C1orf185: variants seen among roughly 807,000 people sequenced by gnomAD.
C1orf185 encodes uncharacterized protein C1orf185.
C1orf185 carries 13 observed loss-of-function variants against 16.1 expected under a neutral mutation model. That is an observed-to-expected ratio of 0.81 (90% CI 0.53 to 1.28). The LOEUF is 1.28. Ranked by LOEUF, C1orf185 falls within the 50% of genes most tolerant of loss-of-function variation. The pLI, the probability that C1orf185 is intolerant of heterozygous loss-of-function variation, is 0.00. For synonymous variants in C1orf185, 80 were observed against 76.9 expected (o/e 1.04, Z -0.21); for missense variants, 220 against 225.2 (o/e 0.98, Z 0.15).
At chr1:51,121,905 C>T (rs1346838610) in intron 3 of C1orf185, among the ~76,000 whole-genome samples, 1 of 152,272 alleles carries the variant, frequency 6.6e-6, no homozygotes, top group African/African-American at 2.4e-5. Flanking sequence ...ACACCTCCAA[C>T]TCCCACCCTC....
At chr1:51,140,954 T>C (rs573933951) in intron 3 of C1orf185, among the ~76,000 whole-genome samples, 1 of 152,302 alleles carries the variant, frequency 6.6e-6, no homozygotes, top group East Asian at 1.9e-4. Context: ...CTTTGTTGTT[T>C]TCTATTTTAT....
At chr1:51,108,389 A>G (rs142848311) in intron 1 of C1orf185, among the ~76,000 whole-genome samples, 2 of 152,268 alleles carry the variant, frequency 1.3e-5, no homozygotes, top group East Asian at 3.9e-4. Context: ...AACCAGGGTT[A>G]TTGGGCTATC....
At chr1:51,131,369 T>C (rs1309571694) in intron 3 of C1orf185, among the ~76,000 whole-genome samples, 1 of 152,250 alleles carries the variant, frequency 6.6e-6, no homozygotes, top group African/African-American at 2.4e-5. Flanking sequence ...TGGCAGTTCC[T>C]CTTCCTCCTC....
chr1:51,110,843 C>G (rs1329290037), intron 1 of C1orf185, among the ~76,000 whole-genome samples: 2 of 151,960 alleles, frequency 1.3e-5, no homozygotes, highest in Non-Finnish European at 2.9e-5. Flanking sequence ...GTGGTGTGCA[C>G]CTGTAGTCCC....
chr1:51,117,654 T>C (rs1646167508), intron 2 of C1orf185, among the ~76,000 whole-genome samples: 1 of 152,204 alleles, frequency 6.6e-6, no homozygotes, highest in Admixed American at 6.5e-5. Flanking sequence ...GTAATACACA[T>C]GTAAGTTTCC....
intron 4 of C1orf185, among the ~76,000 whole-genome samples, chr1:51,146,603 G>T (rs1646402648): frequency 6.6e-6 from 1 of 151,950 alleles, no homozygotes; most frequent in African/African-American, 2.4e-5. Context: ...TATTTTAATG[G>T]CAAATGTGCA....
At chr1:51,127,885 G>GTTTTTTTTTTTTTTTTTTTTTTT (rs769457494) in intron 3 of C1orf185, among the ~76,000 whole-genome samples, 1 of 115,304 alleles carries the variant, frequency 8.7e-6, no homozygotes, top group Non-Finnish European at 1.8e-5. Flanking sequence ...TCTTTTCTTT[G>GTTTTTTTTTTTTTTTTTTTTTTT]TTTTTTTTTT....
In C1orf185 at chr1:51,127,974, A is replaced by G. The variant is rs147874029; in HGVS notation, c.258+9173A>G. On this transcript the variant is annotated intron_variant, in intron 3 of 4. Transcript: ENST00000371759. ...GTGATCTCAGCTCACTGCAACCTGCACCTCCTGGGTTCAAGCGATTCTCCT... is the reference window on the plus strand; with the variant it reads ...GTGATCTCAGCTCACTGCAACCTGCGCCTCCTGGGTTCAAGCGATTCTCCT... Among the ~76,000 whole-genome samples, 537 of 142,216 alleles carry G rather than the reference A, an allele frequency of 3.8e-3. 1 individual carries two copies. The highest frequency in any genetic ancestry group is 4.5e-3 in the Non-Finnish European group (300 of 66,400). The allele number at this position is 142,216 out of a possible 152,430, so 93.3% of individuals were successfully genotyped here. A position where few individuals can be genotyped will look rare whatever the true frequency, so the allele number is the denominator to read the frequency against.
intron 1 of C1orf185, 156 bp downstream of exon 1, chr1:51,102,405 T>C (rs1646038360): frequency 2.0e-5 from 9 of 442,570 alleles, no homozygotes; most frequent in Non-Finnish European, 3.3e-5. Flanking sequence ...AATTGTAAAG[T>C]TATTGGGGCT....
At chr1:51,125,836 C>A in intron 3 of C1orf185, among the ~76,000 whole-genome samples, 1 of 151,934 alleles carries the variant, frequency 6.6e-6, no homozygotes, top group East Asian at 1.9e-4. Context: ...GAGGAGGTGC[C>A]AGGTCATTGG....
At chr1:51,111,718 C>G (rs1364236868) in intron 1 of C1orf185, among the ~76,000 whole-genome samples, 1 of 152,204 alleles carries the variant, frequency 6.6e-6, no homozygotes, top group African/African-American at 2.4e-5. Context: ...CAGGGTTTCA[C>G]CATGTTAGCC....
intron 3 of C1orf185, among the ~76,000 whole-genome samples, chr1:51,133,706 C>G (rs1356068567): frequency 6.6e-6 from 1 of 152,196 alleles, no homozygotes; most frequent in Non-Finnish European, 1.5e-5. Flanking sequence ...TCAAATGGGC[C>G]TGATAGACAT....
intron 3 of C1orf185, among the ~76,000 whole-genome samples, chr1:51,135,751 C>T (rs182484504): frequency 3.6e-4 from 55 of 152,188 alleles, no homozygotes; most frequent in Admixed American, 2.6e-3. Context: ...AGGCACAAGA[C>T]GAGAATGCCC....
At chr1:51,137,806 G>A (rs1472476381) in intron 3 of C1orf185, among the ~76,000 whole-genome samples, 1 of 152,140 alleles carries the variant, frequency 6.6e-6, no homozygotes, top group Non-Finnish European at 1.5e-5. Context: ...CGACCTAAAT[G>A]CCCATCAGTG....
At chr1:51,149,555 T>A (rs555619855), downstream of C1orf185, among the ~76,000 whole-genome samples, 6 of 152,306 alleles carry the variant, frequency 3.9e-5, no homozygotes, top group Admixed American at 3.3e-4. Flanking sequence ...TTACTCTCGA[T>A]CCCAGAGAAG....
chr1:51,140,280 A>G (rs1013435852), intron 3 of C1orf185, among the ~76,000 whole-genome samples: 2 of 152,152 alleles, frequency 1.3e-5, no homozygotes, highest in African/African-American at 4.8e-5. Context: ...TTTTGGTTCT[A>G]AACTCACTTA....
intron 3 of C1orf185, among the ~76,000 whole-genome samples, chr1:51,128,440 C>T (rs112841891): frequency 0.017 from 2,532 of 152,112 alleles, 82 homozygotes; most frequent in African/African-American, 0.058. Context: ...TCCTGTAATC[C>T]CCGCACTTTG....
chr1:51,120,959 C>T (rs1361339499), intron 3 of C1orf185, among the ~76,000 whole-genome samples: 1 of 151,964 alleles, frequency 6.6e-6, no homozygotes, highest in African/African-American at 2.4e-5. Flanking sequence ...AAAGATAATT[C>T]AGGATTCTTT....
intron 3 of C1orf185, among the ~76,000 whole-genome samples, chr1:51,141,302 C>T (rs1646362693): frequency 6.6e-6 from 1 of 152,018 alleles, no homozygotes; most frequent in African/African-American, 2.4e-5. Flanking sequence ...CTAGCCTTGG[C>T]AACACAGACA....
Sources: allele counts gnomAD v4.1 joint callset (sites outside exome capture counted in the v4.1 genomes callset), GRCh38; gene constraint gnomAD v4.1.1; transcripts MANE v1.5; gene names NCBI Gene and HGNC (gene_info 2026-07-23, HGNC 2026-07-21).